The following ANO2 variants were observed in gnomAD, a reference collection of about 807,000 sequenced individuals.
ANO2 encodes the protein anoctamin 2.
A neutral mutation model predicts 124.2 loss-of-function variants in ANO2; 101 were observed. The observed-to-expected ratio is 0.81, with a 90% CI of 0.69 to 0.96. The LOEUF is 0.96. Among genes scored for constraint, ANO2 ranks in the 40% least tolerant of loss-of-function variants. The pLI, the probability that ANO2 is intolerant of heterozygous loss-of-function variation, is 0.00. For missense variants in ANO2, 1,293 were observed against 1,274.5 expected, an observed-to-expected ratio of 1.01 and a Z score of -0.22; for synonymous variants, 486 against 482.5, an observed-to-expected ratio of 1.01 and a Z score of -0.09.
intron 4 of ANO2, among the ~76,000 whole-genome samples, chr12:5,843,498 C>T (rs1437307158): frequency 1.3e-5 from 2 of 151,594 alleles, no homozygotes; most frequent in Non-Finnish European, 1.5e-5. Flanking sequence ...TGCAGTGAGC[C>T]GAGATTGCGC....
At chr12:5,657,443 A>G (rs1331476170) in intron 14 of ANO2, among the ~76,000 whole-genome samples, 1 of 152,170 alleles carries the variant, frequency 6.6e-6, no homozygotes, top group African/African-American at 2.4e-5. Context: ...AGAAACAGCG[A>G]AACTCCAGAA....
chr12:5,682,514 AG>A (rs1948540342), intron 14 of ANO2, among the ~76,000 whole-genome samples: 1 of 152,118 alleles, frequency 6.6e-6, no homozygotes, highest in Admixed American at 6.5e-5. Context: ...ATGGCAGTCA[AG>A]GGTTCGGGCT....
chr12:5,807,891 C>T (rs966423516), intron 7 of ANO2, among the ~76,000 whole-genome samples: 66 of 152,176 alleles, frequency 4.3e-4, no homozygotes, highest in African/African-American at 1.5e-3. Flanking sequence ...CTGGGGAGCC[C>T]TGGGAGTCCT....
chr12:5,919,178 G>A lies in ANO2; in HGVS notation c.534+1862C>T, dbSNP rs569131779. Among the ~76,000 whole-genome samples, 295 of 152,304 alleles carry A rather than the reference G, an allele frequency of 1.9e-3. 1 individual carries two copies. The highest frequency in any genetic ancestry group is 9.5e-3 in the South Asian group (46 of 4,830). ...GCAGGATCGAGGGACAGAGAGGGAC[G>A]GGGTGGGGGTATTTTGGCTAGGATG... On this transcript the variant is annotated intron_variant, in intron 3 of 24. Transcript: ENST00000682330.
intron 3 of ANO2, among the ~76,000 whole-genome samples, chr12:5,864,473 C>T (rs1466807688): frequency 1.3e-5 from 2 of 152,228 alleles, no homozygotes; most frequent in African/African-American, 4.8e-5. Flanking sequence ...GCTGCTGTTT[C>T]CTATTCATCA....
chr12:5,750,557 A>G (rs911052312), intron 11 of ANO2, among the ~76,000 whole-genome samples: 2 of 152,242 alleles, frequency 1.3e-5, no homozygotes, highest in African/African-American at 4.8e-5. Flanking sequence ...TTTTCTTACC[A>G]GGAATTATCT....
chr12:5,747,926 C>A (rs541871313), intron 11 of ANO2, among the ~76,000 whole-genome samples: 6 of 152,330 alleles, frequency 3.9e-5, no homozygotes, highest in African/African-American at 1.2e-4. Context: ...ACTTGAATAT[C>A]CCTGCACATG....
chr12:5,620,993 G>A (rs1467588302), intron 16 of ANO2, among the ~76,000 whole-genome samples: 1 of 151,998 alleles, frequency 6.6e-6, no homozygotes, highest in Non-Finnish European at 1.5e-5. Flanking sequence ...CAGCCTGAAC[G>A]TGCCACATCC....
At chr12:5,676,436 T>C (rs147579923) in intron 14 of ANO2, among the ~76,000 whole-genome samples, 77 of 152,254 alleles carry the variant, frequency 5.1e-4, no homozygotes, top group African/African-American at 1.8e-3. Context: ...AATTATTGAG[T>C]AGAAAACTCA....
chr12:5,717,324 T>C (rs982719018), intron 14 of ANO2, among the ~76,000 whole-genome samples: 5 of 152,180 alleles, frequency 3.3e-5, no homozygotes, highest in South Asian at 2.1e-4. Flanking sequence ...CCAGAGGGTA[T>C]GGAATTGCAT....
intron 19 of ANO2, chr12:5,609,085 G>T (rs1288219925): frequency 6.6e-6 from 1 of 152,160 alleles, no homozygotes; most frequent in African/African-American, 2.4e-5. Context: ...CATATTCTCT[G>T]GTTGTTTTTC....
intron 3 of ANO2, among the ~76,000 whole-genome samples, chr12:5,916,034 T>C (rs1941355318): frequency 6.6e-6 from 1 of 152,114 alleles, no homozygotes; most frequent in Non-Finnish European, 1.5e-5. Flanking sequence ...CCCAGCACTT[T>C]GGGAGGCTGA....
chr12:5,910,180 T>G (rs116618793), intron 3 of ANO2, among the ~76,000 whole-genome samples: 1 of 152,164 alleles, frequency 6.6e-6, no homozygotes, highest in Non-Finnish European at 1.5e-5. Flanking sequence ...TATGTGTTTG[T>G]TCTTGTTGTT....
In ANO2 at chr12:5,599,501, G is replaced by A. The variant is rs779397847; in HGVS notation, c.2216C>T (p.Pro739Leu). The change falls in exon 20 of 25, where the codon CCG becomes CTG. Residue 739 changes from proline (P) to leucine (L), a missense_variant. Coordinates refer to ENST00000682330, the MANE Select transcript of ANO2 (RefSeq NM_001364791.2). ...YSLEPYTGLT[P>L]EYMEMIIQFG... Reference sequence around the variant, plus strand: ...GTTCTCACTCATTTCCATGTACTCCGGAGTCAGTCCTGTGTATGGTTCCAA... The same window carrying A: ...GTTCTCACTCATTTCCATGTACTCCAGAGTCAGTCCTGTGTATGGTTCCAA... 2.2e-5 allele frequency: 36 copies of A among 1,608,894 alleles called. No individual in the cohort carries two copies. The highest frequency in any genetic ancestry group is 2.5e-5 in the Non-Finnish European group (29 of 1,178,800).
intron 14 of ANO2, among the ~76,000 whole-genome samples, chr12:5,680,933 C>A (rs536719561): frequency 3.0e-4 from 45 of 152,286 alleles, no homozygotes; most frequent in African/African-American, 1.1e-3. Context: ...CCAGCCTCTG[C>A]ATGACAGACC....
In ANO2 at chr12:5,635,228, T is replaced by A; in HGVS notation, c.1740A>T (p.Ala580=). The stretch of plus-strand genomic sequence containing the variant: ...GGATGACCACGAGGTTGATGATGAC[T>A]GCTGTTGCTGTCACTGTCACCCGGA... ...SNVRVTVTAT[A]VIINLVVILI... The change falls in exon 16 of 25, where the codon GCA becomes GCT. Residue 580 remains alanine, a synonymous_variant. Transcript: ENST00000682330. The surrounding 1 kb of genome is among the most constrained non-coding windows in gnomAD (Gnocchi z 5.2). 2 of 1,613,012 alleles carry A rather than the reference T, an allele frequency of 1.2e-6. No individual in the cohort carries two copies. Among genetic ancestry groups the A allele is most frequent in the Non-Finnish European group, 1.7e-6 (2 of 1,179,628 alleles).
chr12:5,867,792 A>AAAT (rs1955468651), intron 3 of ANO2, among the ~76,000 whole-genome samples: 1 of 151,162 alleles, frequency 6.6e-6, no homozygotes, highest in African/African-American at 2.4e-5. Context: ...AAAAAAAAAA[A>AAAT]AAAAAAAACC....
intron 14 of ANO2, among the ~76,000 whole-genome samples, chr12:5,688,112 G>A (rs914939533): frequency 1.3e-5 from 2 of 152,160 alleles, no homozygotes; most frequent in African/African-American, 2.4e-5. Flanking sequence ...CTTGTGGGGG[G>A]AACAGAAACA....
chr12:5,701,641 T>G (rs937980326), intron 14 of ANO2, among the ~76,000 whole-genome samples: 2 of 152,226 alleles, frequency 1.3e-5, no homozygotes, highest in African/African-American at 4.8e-5. Context: ...CTCTGGCTAG[T>G]TTAAGACCCT....
Sources: gnomAD v4.1 joint callset for allele counts (sites outside exome capture counted in the v4.1 genomes callset) on GRCh38, gnomAD v4.1.1 for gene constraint, Gnocchi (gnomAD v3.1) non-coding constraint, MANE v1.5 for transcripts, NCBI Gene and HGNC (gene_info 2026-07-23, HGNC 2026-07-21) for gene names.